GRM8: variants seen among roughly 807,000 people sequenced by gnomAD.
GRM8 encodes metabotropic glutamate receptor 8.
GRM8 carries 47 observed loss-of-function variants against 87.2 expected under a neutral mutation model. That is an observed-to-expected ratio of 0.54 (90% CI 0.43 to 0.69). The LOEUF (loss-of-function observed/expected upper bound fraction) is 0.69, where lower values mean the gene tolerates loss of function less well. Ranked by LOEUF, GRM8 falls within the 30% of genes least tolerant of loss-of-function variation. The probability of loss-of-function intolerance (pLI) is 0.00; values close to 1 mark genes in which losing one functional copy is unlikely to be tolerated. For missense variants in GRM8, 1,019 were observed against 1,139.2 expected (o/e 0.89, Z 1.52); for synonymous variants, 396 against 404.5 (o/e 0.98, Z 0.25).
chr7:126,459,338 C>G (rs1460365155), intron 9 of GRM8, among the ~76,000 whole-genome samples: 1 of 151,158 alleles, frequency 6.6e-6, no homozygotes, highest in Non-Finnish European at 1.5e-5. Flanking sequence ...TAGTACGTGA[C>G]TGACAGAATG....
intron 2 of GRM8, among the ~76,000 whole-genome samples, chr7:127,122,605 T>A (rs1040324861): frequency 9.2e-5 from 14 of 151,896 alleles, no homozygotes; most frequent in Middle Eastern, 6.8e-3. Context: ...TTTTTTTAAT[T>A]CTAAGAAAAA....
At chr7:126,561,098 T>A (rs1000515058) in intron 8 of GRM8, among the ~76,000 whole-genome samples, 13 of 152,202 alleles carry the variant, frequency 8.5e-5, no homozygotes, top group Non-Finnish European at 1.5e-5. Context: ...CCTGCTCAAA[T>A]CTTTATTTCA....
intron 9 of GRM8, among the ~76,000 whole-genome samples, chr7:126,480,405 G>A (rs7796563): frequency 0.33 from 45,889 of 138,118 alleles, 7,837 homozygotes; most frequent in Non-Finnish European, 0.4. Context: ...AAATAAATAA[G>A]TAAGTAAATA....
chr7:126,513,925 C>T (rs1221354018), intron 9 of GRM8, among the ~76,000 whole-genome samples: 2 of 151,690 alleles, frequency 1.3e-5, no homozygotes, highest in Non-Finnish European at 2.9e-5. Flanking sequence ...AGCTTTTTAT[C>T]GGAGTTCTTT....
intron 2 of GRM8, among the ~76,000 whole-genome samples, chr7:127,144,785 G>A (rs1483705020): frequency 6.6e-6 from 1 of 152,022 alleles, no homozygotes; most frequent in Non-Finnish European, 1.5e-5. Flanking sequence ...CATTCTGGGT[G>A]GACATTTTAC....
intron 9 of GRM8, among the ~76,000 whole-genome samples, chr7:126,493,989 C>T (rs769673818): frequency 5.9e-5 from 9 of 151,970 alleles, no homozygotes; most frequent in Non-Finnish European, 7.4e-5. Context: ...CACAGCTCTG[C>T]GGAGCTGCTT....
intron 2 of GRM8, among the ~76,000 whole-genome samples, chr7:127,206,853 C>G (rs116155056): frequency 2.1e-3 from 316 of 152,284 alleles, no homozygotes; most frequent in African/African-American, 7.1e-3. Context: ...AAGACTTTTC[C>G]TTAATTATCA....
At chr7:126,609,595 GT>G in intron 7 of GRM8, 97 bp from the exon 8 acceptor site, 1 of 854,468 alleles carries the variant, frequency 1.2e-6, no homozygotes, top group South Asian at 1.8e-5. Context: ...AAAATATATT[GT>G]GTGAAGTAAG....
At chr7:127,211,371 A>G (rs923733450) in intron 2 of GRM8, among the ~76,000 whole-genome samples, 3 of 152,200 alleles carry the variant, frequency 2.0e-5, no homozygotes, top group African/African-American at 7.2e-5. Context: ...GAAGGCGGGA[A>G]CACTCAGCCA....
intron 7 of GRM8, among the ~76,000 whole-genome samples, chr7:126,631,160 T>G (rs1801213980): frequency 6.6e-6 from 1 of 152,136 alleles, no homozygotes; most frequent in Non-Finnish European, 1.5e-5. Flanking sequence ...TAAAAGATTC[T>G]TATGTTGATA....
At chr7:126,494,805 C>T (rs145256422) in intron 9 of GRM8, among the ~76,000 whole-genome samples, 60 of 152,082 alleles carry the variant, frequency 3.9e-4, no homozygotes, top group African/African-American at 1.4e-3. Flanking sequence ...ACTCTGCTGG[C>T]TTAGTTTACT....
At chr7:126,524,090 T>C (rs1057078952) in intron 9 of GRM8, among the ~76,000 whole-genome samples, 4 of 152,270 alleles carry the variant, frequency 2.6e-5, no homozygotes, top group African/African-American at 9.6e-5. Flanking sequence ...AAATCCTGGT[T>C]TTTAAAGGAT....
At chr7:126,564,876 C>A (rs948941928) in intron 8 of GRM8, among the ~76,000 whole-genome samples, 2 of 152,144 alleles carry the variant, frequency 1.3e-5, no homozygotes. Flanking sequence ...GGATCATACA[C>A]CATGGCCAAT....
At chr7:126,506,488 C>A (rs1412738926) in intron 9 of GRM8, among the ~76,000 whole-genome samples, 1 of 152,028 alleles carries the variant, frequency 6.6e-6, no homozygotes, top group Non-Finnish European at 1.5e-5. Flanking sequence ...TTATACTCAT[C>A]ATTTAAGCCT....
intron 3 of GRM8, among the ~76,000 whole-genome samples, chr7:127,089,957 G>A (rs908093868): frequency 2.0e-5 from 3 of 152,134 alleles, no homozygotes; most frequent in Admixed American, 1.3e-4. Context: ...AGGGCTCCAG[G>A]ACACAAACTG....
intron 3 of GRM8, among the ~76,000 whole-genome samples, chr7:126,936,868 G>C (rs1039132725): frequency 3.3e-5 from 5 of 152,052 alleles, no homozygotes; most frequent in Admixed American, 2.6e-4. Flanking sequence ...TGAGACCATT[G>C]GGTAAAAAAG....
At position 126,583,557 on chromosome 7, in the gene GRM8, T is replaced by C. The variant is rs1231816504; in HGVS notation, c.1494+25805A>G. ...ATTAAAAGAGGTCAAAATATAAATA[T>C]TAACAAGAGTTTGGAAGAAGTTGAT... On this transcript the variant is annotated intron_variant, in intron 8 of 10. Transcript: ENST00000339582. Among the ~76,000 whole-genome samples the C allele has an allele frequency of 2.0e-5, 3 of 152,114 alleles. No individual in the cohort carries two copies. The East Asian group carries it at 5.8e-4, about 29-fold the overall frequency.
At chr7:126,654,431 C>T (rs1804275469) in intron 7 of GRM8, among the ~76,000 whole-genome samples, 4 of 152,182 alleles carry the variant, frequency 2.6e-5, no homozygotes. Context: ...AAAATTATGG[C>T]AGGCTTATGG....
intron 7 of GRM8, among the ~76,000 whole-genome samples, chr7:126,726,186 T>A (rs1445027656): frequency 6.6e-6 from 1 of 151,816 alleles, no homozygotes; most frequent in Admixed American, 6.6e-5. Flanking sequence ...CTCCATGCCA[T>A]CCACTATATC....
Sources: allele counts gnomAD v4.1 joint callset (sites outside exome capture counted in the v4.1 genomes callset), GRCh38; gene constraint gnomAD v4.1.1; transcripts MANE v1.5; gene names NCBI Gene and HGNC (gene_info 2026-07-23, HGNC 2026-07-21).